LOC400499: variants seen among roughly 807,000 people sequenced by gnomAD.
the LOC400499 span, among the ~76,000 whole-genome samples, chr16:11,477,131 T>C: frequency 6.6e-6 from 1 of 152,212 alleles, no homozygotes; most frequent in Non-Finnish European, 1.5e-5. Flanking sequence ...ATCCCTTTTA[T>C]GGATGGGGAA....
chr16:11,516,159 G>A, the LOC400499 span: 1 of 399,888 alleles, frequency 2.5e-6, no homozygotes. Context: ...AAGGTCTTGG[G>A]GCTGTGGGCC....
the LOC400499 span, among the ~76,000 whole-genome samples, chr16:11,389,754 T>C: frequency 6.7e-6 from 1 of 149,170 alleles, no homozygotes; most frequent in South Asian, 2.1e-4. Flanking sequence ...CCGAATGGCC[T>C]GCTTAAGATG....
At chr16:11,444,610 C>T in the LOC400499 span, among the ~76,000 whole-genome samples, 2 of 152,118 alleles carry the variant, frequency 1.3e-5, no homozygotes, top group Admixed American at 1.3e-4. Flanking sequence ...CTGGTTCTTT[C>T]CAGAAAAGTT....
the LOC400499 span, among the ~76,000 whole-genome samples, chr16:11,502,646 A>T: frequency 6.9e-6 from 1 of 145,074 alleles, no homozygotes; most frequent in African/African-American, 2.6e-5. Context: ...ACGGAGTCTC[A>T]CTCTGTTGCC....
the LOC400499 span, chr16:11,391,798 G>A: frequency 4.5e-5 from 55 of 1,232,078 alleles, no homozygotes; most frequent in Non-Finnish European, 4.9e-5. Context: ...ATGGCCTCCC[G>A]CCCCGCCTGG....
At chr16:11,441,606 T>A in the LOC400499 span, among the ~76,000 whole-genome samples, 1 of 138,838 alleles carries the variant, frequency 7.2e-6, no homozygotes, top group Non-Finnish European at 1.6e-5. Flanking sequence ...TGCAGTGTGA[T>A]TGGATTGAGG....
the LOC400499 span, among the ~76,000 whole-genome samples, chr16:11,463,711 A>G: frequency 6.6e-6 from 1 of 151,688 alleles, no homozygotes; most frequent in African/African-American, 2.4e-5. Context: ...GTATATATGG[A>G]TGTGTGTGTG....
At chr16:11,475,007 A>C in the LOC400499 span, among the ~76,000 whole-genome samples, 1 of 152,226 alleles carries the variant, frequency 6.6e-6, no homozygotes, top group Non-Finnish European at 1.5e-5. Flanking sequence ...ATATTTGCGC[A>C]GCTATTCTAT....
the LOC400499 span, among the ~76,000 whole-genome samples, chr16:11,407,970 G>C: frequency 1.9e-3 from 120 of 63,452 alleles, no homozygotes; most frequent in African/African-American, 6.9e-3. Context: ...TTCCAGAGCT[G>C]TTTTTTTTTT....
At chr16:11,456,855 T>TTCC in the LOC400499 span, 1 of 1,536,196 alleles carries the variant, frequency 6.5e-7, no homozygotes, top group East Asian at 2.4e-5. Context: ...CAGCCAACAC[T>TTCC]CACCTTCCCA....
the LOC400499 span, among the ~76,000 whole-genome samples, chr16:11,461,860 T>G: frequency 6.6e-6 from 1 of 152,162 alleles, no homozygotes; most frequent in East Asian, 1.9e-4. Context: ...CCCAGTGTAT[T>G]TTAGGTCAAA....
the LOC400499 span, among the ~76,000 whole-genome samples, chr16:11,439,812 C>T: frequency 6.6e-6 from 1 of 152,012 alleles, no homozygotes; most frequent in Admixed American, 6.6e-5. Flanking sequence ...CACTCTGGAA[C>T]CCCCTACTCC....
chr16:11,401,347 CAGG>C, the LOC400499 span: 1 of 399,408 alleles, frequency 2.5e-6, no homozygotes, highest in African/African-American at 2.1e-5. Flanking sequence ...ATGGGTGAGC[CAGG>C]GCCAGGCGGG....
At chr16:11,410,706 C>T in the LOC400499 span, among the ~76,000 whole-genome samples, 1 of 43,554 alleles carries the variant, frequency 2.3e-5, no homozygotes, top group African/African-American at 1.1e-4. Flanking sequence ...TATTCATGCC[C>T]TATTTTTTTT....
At chr16:11,443,061 T>C in the LOC400499 span, among the ~76,000 whole-genome samples, 2 of 152,052 alleles carry the variant, frequency 1.3e-5, no homozygotes, top group African/African-American at 2.4e-5. Flanking sequence ...TGGTGGTTCA[T>C]GGCTGTAATC....
At chr16:11,499,781 C>A in the LOC400499 span, among the ~76,000 whole-genome samples, 1 of 152,148 alleles carries the variant, frequency 6.6e-6, no homozygotes, top group Non-Finnish European at 1.5e-5. Flanking sequence ...TCTGACTTGG[C>A]ACTCACTATT....
At chr16:11,399,114 C>T in the LOC400499 span, 4 of 620,314 alleles carry the variant, frequency 6.4e-6, no homozygotes, top group Non-Finnish European at 8.1e-6. Context: ...CATGAGGAGC[C>T]CTATCAGGTA....
chr16:11,523,745 C>T, the LOC400499 span, among the ~76,000 whole-genome samples: 8 of 152,110 alleles, frequency 5.3e-5, no homozygotes, highest in South Asian at 1.2e-3. Flanking sequence ...CTTCCACATC[C>T]CTCATCACTA....
chr16:11,404,474 G>C, the LOC400499 span, among the ~76,000 whole-genome samples: 1 of 152,128 alleles, frequency 6.6e-6, no homozygotes, highest in South Asian at 2.1e-4. Flanking sequence ...AGCCTCCCAA[G>C]TAGCTGAGAT....
Sources: gnomAD v4.1 joint callset for allele counts (sites outside exome capture counted in the v4.1 genomes callset) on GRCh38, gnomAD v4.1.1 for gene constraint, MANE v1.5 for transcripts.